NEK6: variants seen among roughly 807,000 people sequenced by gnomAD.
NEK6 encodes NIMA related kinase 6.
In NEK6, 27 loss-of-function variants were observed where a neutral mutation model predicts 43.5. That is an observed-to-expected ratio of 0.62 (90% CI 0.46 to 0.86). The LOEUF (loss-of-function observed/expected upper bound fraction) is 0.86, where lower values mean the gene tolerates loss of function less well. Among genes scored for constraint, NEK6 ranks in the 40% least tolerant of loss-of-function variants. The pLI is 0.00. For synonymous variants in NEK6, 167 were observed against 164.1 expected, an observed-to-expected ratio of 1.02 and a Z score of -0.14; for missense variants, 318 against 414.4, an observed-to-expected ratio of 0.77 and a Z score of 2.02.
At chr9:124,347,872 G>A in intron 9 of NEK6, 50 bp downstream of exon 9, 1 of 1,103,912 alleles carries the variant, frequency 9.1e-7, no homozygotes, top group Non-Finnish European at 1.4e-6. Context: ...GGCCACCGAG[G>A]CTTATGAGGG....
At chr9:124,327,171 C>G (rs1290345982) in intron 6 of NEK6, among the ~76,000 whole-genome samples, 167 bp from the exon 7 acceptor site, 1 of 152,156 alleles carries the variant, frequency 6.6e-6, no homozygotes, top group Non-Finnish European at 1.5e-5. Context: ...AACTGAGGCT[C>G]AGAAATGGTC....
intron 2 of NEK6, 53 bp downstream of exon 2, chr9:124,302,107 G>A: frequency 7.5e-7 from 1 of 1,340,336 alleles, no homozygotes; most frequent in South Asian, 1.3e-5. Context: ...AAGGAATACG[G>A]ATCCCTGAGC....
Position 124,262,487 on chromosome 9 carries a change from G to A in NEK6, c.-30+4402G>A, listed in dbSNP as rs900064731. 3.9e-5 allele frequency among the ~76,000 whole-genome samples: 6 copies of A among 152,354 alleles called. 1 individual carries two copies. Among genetic ancestry groups the A allele is most frequent in the South Asian group, 4.1e-4 (2 of 4,830 alleles). ...AACAGACCCCCACATACATGGCTGCGCCATTGTCTCCAATTCTGGATTTTT... is the reference window on the plus strand; with the variant it reads ...AACAGACCCCCACATACATGGCTGCACCATTGTCTCCAATTCTGGATTTTT... On this transcript the variant is annotated intron_variant, in intron 1 of 9. Coordinates refer to ENST00000320246, the MANE Select transcript of NEK6 (RefSeq NM_014397.6).
chr9:124,326,748 C>T lies in NEK6; in HGVS notation c.514+310C>T, dbSNP rs1270478777. On this transcript the variant is annotated intron_variant, in intron 6 of 9. Transcript: ENST00000320246. The surrounding 1 kb of genome is among the most constrained non-coding windows in gnomAD (Gnocchi z 4.5). ...AGAGGGGACTTTCATGGGGGCTTTG[C>T]CGTCTCAGCGGGCTGGGCTGAGAAG... 6.6e-6 allele frequency among the ~76,000 whole-genome samples: 1 copy of T among 152,190 alleles called. No individual in the cohort carries two copies. Among genetic ancestry groups the T allele is most frequent in the African/African-American group, 2.4e-5 (1 of 41,440 alleles).
At chr9:124,291,710 C>T (rs558135912) in intron 1 of NEK6, 5 of 450,358 alleles carry the variant, frequency 1.1e-5, no homozygotes, top group East Asian at 1.6e-4. Flanking sequence ...AGGTGGGGAG[C>T]GAGCACAAGG....
At chr9:124,292,518 A>G (rs1347340701) in intron 1 of NEK6, 2 of 1,536,976 alleles carry the variant, frequency 1.3e-6, no homozygotes, top group Admixed American at 2.0e-5. Context: ...ATGGGATTCT[A>G]GATGCTCGCC....
chr9:124,324,869 G>A lies in NEK6; in HGVS notation c.406-1461G>A, dbSNP rs992629877. ...CAGTCTCCCATATCAATGGTTACTG[G>A]TGTTATTAGAAGTGGGCTAAGGGGG... On this transcript the variant is annotated intron_variant, in intron 5 of 9. Transcript: ENST00000320246. This position sits in a 1 kb window ranked among gnomAD's most constrained non-coding sequence, Gnocchi z 5.3. 4.6e-5 allele frequency among the ~76,000 whole-genome samples: 7 copies of A among 152,180 alleles called. No homozygotes were observed. The highest frequency in any genetic ancestry group is 7.4e-5 in the Non-Finnish European group (5 of 68,022).
intron 1 of NEK6, among the ~76,000 whole-genome samples, chr9:124,258,738 AC>A (rs1484812256): frequency 3.9e-5 from 6 of 152,170 alleles, no homozygotes; most frequent in African/African-American, 1.4e-4. Flanking sequence ...GATCCGGTGA[AC>A]CAGGGGCCAG....
intron 7 of NEK6, among the ~76,000 whole-genome samples, chr9:124,328,606 C>A (rs111899883): frequency 9.8e-4 from 150 of 152,360 alleles, no homozygotes; most frequent in Non-Finnish European, 1.6e-3. Context: ...TATCCCCAGA[C>A]CCCCGAGTGC....
chr9:124,317,618 C>T (rs143415720), intron 4 of NEK6, among the ~76,000 whole-genome samples: 4 of 152,320 alleles, frequency 2.6e-5, no homozygotes, highest in African/African-American at 7.2e-5. Context: ...CTTCTGATCC[C>T]GTCACGCAGA....
intron 1 of NEK6, among the ~76,000 whole-genome samples, chr9:124,270,578 A>G (rs1253256154): frequency 2.0e-5 from 3 of 152,094 alleles, no homozygotes. Flanking sequence ...TCCATCTGTC[A>G]TGATGTTTTT....
chr9:124,292,083 C>T (rs1309794394), intron 1 of NEK6: 1 of 1,045,772 alleles, frequency 9.6e-7, no homozygotes, highest in Non-Finnish European at 1.2e-6. Flanking sequence ...GGAGCCACTT[C>T]AAAAGGTACC....
intron 8 of NEK6, among the ~76,000 whole-genome samples, chr9:124,341,229 A>G (rs1829602722): frequency 6.6e-6 from 1 of 152,170 alleles, no homozygotes; most frequent in Non-Finnish European, 1.5e-5. Context: ...TTTTTGGTAG[A>G]GACGGGGTTT....
rs1215026262 is a variant in NEK6, at chr9:124,351,536, TG to T, written c.*590del. On this transcript the variant is annotated 3_prime_UTR_variant, in exon 10 of 10. Coordinates refer to ENST00000320246, the MANE Select transcript of NEK6 (RefSeq NM_014397.6). ...ATGAGAGCCCTGCACCTGGCCAGAG[TG>T]TCACAGGCAAAAGGCATCGGGAAGC... 6 of 152,196 alleles carry T rather than the reference TG, an allele frequency of 3.9e-5. No individual in the cohort carries two copies. The highest frequency in any genetic ancestry group is 8.8e-5 in the Non-Finnish European group (6 of 68,120). The allele number at this position is 152,196 out of a possible 1,614,324, so 9.4% of individuals were successfully genotyped here. A position where few individuals can be genotyped will look rare whatever the true frequency, so the allele number is the denominator to read the frequency against.
At chr9:124,292,414 G>A in intron 1 of NEK6, 1 of 1,534,194 alleles carries the variant, frequency 6.5e-7, no homozygotes, top group Non-Finnish European at 8.7e-7. Context: ...CTTTCTCTAG[G>A]GTGGGTTTTG....
At chr9:124,262,122 G>A (rs894471128) in intron 1 of NEK6, among the ~76,000 whole-genome samples, 31 of 152,238 alleles carry the variant, frequency 2.0e-4, no homozygotes, top group African/African-American at 7.5e-4. Context: ...GAAATGAGCA[G>A]GCACTGTTGA....
At chr9:124,348,782 A>G (rs1173942964) in intron 9 of NEK6, among the ~76,000 whole-genome samples, 1 of 152,226 alleles carries the variant, frequency 6.6e-6, no homozygotes, top group African/African-American at 2.4e-5. Flanking sequence ...GGCCCACCCC[A>G]TAGGACCACA....
chr9:124,292,414 G>C, intron 1 of NEK6: 10 of 1,534,194 alleles, frequency 6.5e-6, no homozygotes, highest in Non-Finnish European at 8.7e-6. Flanking sequence ...CTTTCTCTAG[G>C]GTGGGTTTTG....
chr9:124,262,647 G>A (rs1333886107), intron 1 of NEK6, among the ~76,000 whole-genome samples: 1 of 152,260 alleles, frequency 6.6e-6, no homozygotes, highest in Non-Finnish European at 1.5e-5. Context: ...CTGTGGCTGG[G>A]CGAGTGGGGG....
Sources: allele counts gnomAD v4.1 joint callset (sites outside exome capture counted in the v4.1 genomes callset), GRCh38; gene constraint gnomAD v4.1.1; non-coding constraint Gnocchi (gnomAD v3.1); transcripts MANE v1.5; gene names NCBI Gene and HGNC (gene_info 2026-07-23, HGNC 2026-07-21).